Variants in TNFSF4 observed in about 807,000 individuals in gnomAD.
The protein encoded by TNFSF4 is tumor necrosis factor ligand superfamily member 4.
Under a neutral mutation model 7.3 loss-of-function variants are expected in TNFSF4, and 4 were observed. The observed-to-expected ratio is 0.55, with a 90% CI of 0.27 to 1.25. The LOEUF (loss-of-function observed/expected upper bound fraction) is 1.25, where lower values mean the gene tolerates loss of function less well. TNFSF4 is among the 50% of genes most tolerant of loss of function. The pLI is 0.12. For missense variants in TNFSF4, 181 were observed against 208.8 expected (o/e 0.87, Z 0.82); for synonymous variants, 76 against 83.7 (o/e 0.91, Z 0.50).
the TNFSF4 span, among the ~76,000 whole-genome samples, chr1:173,173,488 T>A: frequency 8.5e-5 from 13 of 152,184 alleles, no homozygotes; most frequent in Non-Finnish European, 1.5e-4. Context: ...ATAGGGCAAA[T>A]TATTAATTAT....
chr1:173,263,975 T>C, the TNFSF4 span, among the ~76,000 whole-genome samples: 44,090 of 151,922 alleles, frequency 0.29, 6,524 homozygotes, highest in East Asian at 0.37. Flanking sequence ...TTGGGGCCTA[T>C]TTGAGGGTGG....
At chr1:173,431,521 C>A in the TNFSF4 span, among the ~76,000 whole-genome samples, 1 of 152,244 alleles carries the variant, frequency 6.6e-6, no homozygotes, top group African/African-American at 2.4e-5. Flanking sequence ...CTCTCAACTG[C>A]AAAGTGCCAA....
the TNFSF4 span, among the ~76,000 whole-genome samples, chr1:173,412,634 G>A: frequency 0.63 from 95,714 of 152,080 alleles, 31,850 homozygotes; most frequent in Middle Eastern, 0.75. Flanking sequence ...CTGCAAGTCA[G>A]TAACAGAAAG....
the TNFSF4 span, among the ~76,000 whole-genome samples, chr1:173,254,604 A>C: frequency 2.0e-5 from 3 of 152,214 alleles, no homozygotes; most frequent in East Asian, 1.9e-4. Flanking sequence ...TCAGTCTAAA[A>C]AATGACCTTC....
intron 1 of TNFSF4, chr1:173,205,205 G>T (rs1416117613): frequency 1.5e-6 from 2 of 1,330,318 alleles, no homozygotes; most frequent in Admixed American, 4.0e-5. Flanking sequence ...TTTCAGAGTA[G>T]ACAGGGCATG....
chr1:173,347,245 T>G, the TNFSF4 span, among the ~76,000 whole-genome samples: 8 of 152,348 alleles, frequency 5.3e-5, no homozygotes, highest in Admixed American at 5.2e-4. Flanking sequence ...GTTGTAAAAT[T>G]GGCAGACATC....
At chr1:173,226,403 G>T in the TNFSF4 span, among the ~76,000 whole-genome samples, 2 of 151,850 alleles carry the variant, frequency 1.3e-5, no homozygotes, top group East Asian at 3.8e-4. Context: ...CCCTTTTTTT[G>T]TACTAAAACA....
the TNFSF4 span, among the ~76,000 whole-genome samples, chr1:173,392,327 C>A: frequency 6.6e-6 from 1 of 152,044 alleles, no homozygotes; most frequent in Non-Finnish European, 1.5e-5. Context: ...CTTGCACAAC[C>A]AAACCAAGTT....
At chr1:173,424,326 T>C in the TNFSF4 span, among the ~76,000 whole-genome samples, 1 of 152,208 alleles carries the variant, frequency 6.6e-6, no homozygotes, top group South Asian at 2.1e-4. Context: ...AACACAGCTC[T>C]TCCCTCGTGA....
chr1:173,248,491 G>GGAAAGAAAGAAAGAAA, the TNFSF4 span, among the ~76,000 whole-genome samples: 384 of 136,174 alleles, frequency 2.8e-3, 3 homozygotes, highest in South Asian at 0.014. Context: ...AAGGAAGGAA[G>GGAAAGAAAGAAAGAAA]GAAAGAAAGA....
the TNFSF4 span, among the ~76,000 whole-genome samples, chr1:173,223,929 G>A: frequency 6.6e-6 from 1 of 152,170 alleles, no homozygotes; most frequent in Non-Finnish European, 1.5e-5. Context: ...TGATGAAGAA[G>A]ACATACACCC....
chr1:173,423,433 C>T, the TNFSF4 span, among the ~76,000 whole-genome samples: 1 of 152,174 alleles, frequency 6.6e-6, no homozygotes, highest in South Asian at 2.1e-4. Flanking sequence ...TCCCCCACAG[C>T]ACATGACATA....
the TNFSF4 span, among the ~76,000 whole-genome samples, chr1:173,356,024 T>G: frequency 6.6e-6 from 1 of 152,220 alleles, no homozygotes; most frequent in African/African-American, 2.4e-5. Flanking sequence ...GCAACTTAGA[T>G]CAGCACCCCC....
At chr1:173,315,759 T>C in the TNFSF4 span, among the ~76,000 whole-genome samples, 1 of 152,182 alleles carries the variant, frequency 6.6e-6, no homozygotes, top group Non-Finnish European at 1.5e-5. Flanking sequence ...TTTGTTGCTG[T>C]TGAGTTGTTT....
the TNFSF4 span, chr1:173,363,326 G>C: frequency 3.5e-5 from 10 of 287,982 alleles, no homozygotes; most frequent in Non-Finnish European, 5.6e-5. Flanking sequence ...TTTCCTAAAA[G>C]ATTACATTTA....
the TNFSF4 span, among the ~76,000 whole-genome samples, chr1:173,174,075 C>T: frequency 1.3e-5 from 2 of 152,120 alleles, no homozygotes; most frequent in Non-Finnish European, 2.9e-5. Context: ...TTTCCTCTGC[C>T]AGATACTCTA....
chr1:173,362,857 G>T, the TNFSF4 span: 1 of 456,774 alleles, frequency 2.2e-6, no homozygotes, highest in Non-Finnish European at 4.3e-6. Context: ...GCCACAGCAT[G>T]GCTAAGACTT....
chr1:173,391,435 C>A, the TNFSF4 span, among the ~76,000 whole-genome samples: 5 of 108,818 alleles, frequency 4.6e-5, no homozygotes, highest in African/African-American at 6.9e-5. Context: ...CCTTAGAAAG[C>A]AAAAAAAAAA....
the TNFSF4 span, among the ~76,000 whole-genome samples, chr1:173,277,524 A>G: frequency 6.6e-6 from 1 of 152,162 alleles, no homozygotes; most frequent in Non-Finnish European, 1.5e-5. Flanking sequence ...CTGTCAACTC[A>G]TATGTAAGTT....
Sources: gnomAD v4.1 joint callset for allele counts (sites outside exome capture counted in the v4.1 genomes callset) on GRCh38, gnomAD v4.1.1 for gene constraint, MANE v1.5 for transcripts, NCBI Gene and HGNC (gene_info 2026-07-23, HGNC 2026-07-21) for gene names.